DAPK1: variants seen among roughly 807,000 people sequenced by gnomAD.
DAPK1 encodes death associated protein kinase 1.
A neutral mutation model predicts 144.9 loss-of-function variants in DAPK1; 56 were observed. The ratio of observed to expected loss-of-function variants is 0.39; its 90% CI spans 0.31 to 0.48. DAPK1 has a LOEUF of 0.48. Ranked by LOEUF, DAPK1 falls within the 20% of genes least tolerant of loss-of-function variation. The probability of loss-of-function intolerance (pLI) is 0.95; values close to 1 mark genes in which losing one functional copy is unlikely to be tolerated. For missense variants in DAPK1, 1,454 were observed against 1,875.4 expected, an observed-to-expected ratio of 0.78 and a Z score of 4.15; for synonymous variants, 690 against 749.0, an observed-to-expected ratio of 0.92 and a Z score of 1.29.
At chr9:87,531,546 C>T (rs1227782798) in intron 2 of DAPK1, among the ~76,000 whole-genome samples, 1 of 152,088 alleles carries the variant, frequency 6.6e-6, no homozygotes, top group Non-Finnish European at 1.5e-5. Context: ...CAGACTGGTG[C>T]AAACCTGTGC....
At chr9:87,498,846 C>G in intron 1 of DAPK1, 124 bp from the exon 2 acceptor site, 2 of 524,448 alleles carry the variant, frequency 3.8e-6, no homozygotes, top group Non-Finnish European at 6.9e-6. Flanking sequence ...CCTCTCCACC[C>G]CGCGAGGAGG....
intron 2 of DAPK1, among the ~76,000 whole-genome samples, chr9:87,564,593 GGAGA>G (rs756729420): frequency 6.1e-5 from 9 of 147,886 alleles, no homozygotes; most frequent in Non-Finnish European, 1.1e-4. Flanking sequence ...GGAGGGAGGG[GGAGA>G]GAGAGAGAGA....
At chr9:87,559,998 C>CT (rs1409460117) in intron 2 of DAPK1, among the ~76,000 whole-genome samples, 2 of 127,420 alleles carry the variant, frequency 1.6e-5, no homozygotes, top group African/African-American at 6.8e-5. Flanking sequence ...TTTTTCTTTC[C>CT]TTTTTTCTTT....
At chr9:87,574,710 G>T (rs1827478618) in intron 2 of DAPK1, among the ~76,000 whole-genome samples, 1 of 152,198 alleles carries the variant, frequency 6.6e-6, no homozygotes, top group African/African-American at 2.4e-5. Flanking sequence ...CCTGAAGTCA[G>T]GAGTTTGAGA....
At chr9:87,628,943 A>G (rs1382199545) in intron 3 of DAPK1, among the ~76,000 whole-genome samples, 1 of 152,038 alleles carries the variant, frequency 6.6e-6, no homozygotes, top group Non-Finnish European at 1.5e-5. Flanking sequence ...GCTTCTCTTT[A>G]TTTCCTGAAT....
chr9:87,585,686 A>T (rs1587741545), intron 2 of DAPK1, among the ~76,000 whole-genome samples: 1 of 152,206 alleles, frequency 6.6e-6, no homozygotes, highest in African/African-American at 2.4e-5. Context: ...TCTATAAATA[A>T]TTAAGCTATG....
At chr9:87,579,133 C>A (rs1827660603) in intron 2 of DAPK1, among the ~76,000 whole-genome samples, 2 of 152,120 alleles carry the variant, frequency 1.3e-5, no homozygotes, top group Admixed American at 6.5e-5. Context: ...TGAGACAGCA[C>A]CCCCTCCCCA....
intron 2 of DAPK1, among the ~76,000 whole-genome samples, chr9:87,558,521 C>CAT (rs10623606): frequency 0.88 from 134,417 of 152,052 alleles, 59,651 homozygotes; most frequent in African/African-American, 0.96. Flanking sequence ...CACACACACA[C>CAT]AGCCGTGTGA....
intron 3 of DAPK1, among the ~76,000 whole-genome samples, chr9:87,625,614 T>C (rs919362581): frequency 2.6e-5 from 4 of 152,164 alleles, no homozygotes; most frequent in African/African-American, 9.7e-5. Context: ...GCTGGAGACT[T>C]CTGTGAGATG....
At chr9:87,652,196 CATCCCCCCGATCCCGGGTCCTGAT>C (rs1830468226) in intron 17 of DAPK1, among the ~76,000 whole-genome samples, 2 of 135,016 alleles carry the variant, frequency 1.5e-5, no homozygotes, top group Admixed American at 1.4e-4. Context: ...ATTCTGTGTC[CATCCCCCCGATCCCGGGTCCTGAT>C]TCTGTGTCCT....
chr9:87,680,286 G>A lies in DAPK1; in HGVS notation c.2002-1118G>A, dbSNP rs143775275. Among the ~76,000 whole-genome samples the A allele has an allele frequency of 0.011, 1,604 of 151,740 alleles. 80 individuals carry two copies. The East Asian group carries it at 0.14, about 13-fold the overall frequency. ...CGCCCGGCTAATTTTTTGTATTTTCGGTAGAGACGGGGTTTCACCATGTTA... is the reference window on the plus strand; with the variant it reads ...CGCCCGGCTAATTTTTTGTATTTTCAGTAGAGACGGGGTTTCACCATGTTA... On this transcript the variant is annotated intron_variant, in intron 19 of 25. Coordinates refer to ENST00000408954, the MANE Select transcript of DAPK1 (RefSeq NM_004938.4).
At chr9:87,611,279 G>A (rs1220507501) in intron 3 of DAPK1, among the ~76,000 whole-genome samples, 1 of 152,170 alleles carries the variant, frequency 6.6e-6, no homozygotes, top group Non-Finnish European at 1.5e-5. Context: ...TTTGTATTCA[G>A]TGGGTTTGGG....
intron 10 of DAPK1, among the ~76,000 whole-genome samples, chr9:87,642,397 G>A (rs1830127738): frequency 6.6e-6 from 1 of 152,106 alleles, no homozygotes; most frequent in Non-Finnish European, 1.5e-5. Flanking sequence ...GTGGTAAGCA[G>A]CATGAGATTA....
intron 2 of DAPK1, among the ~76,000 whole-genome samples, chr9:87,601,702 C>T (rs117951729): frequency 2.6e-5 from 4 of 152,290 alleles, no homozygotes; most frequent in Non-Finnish European, 5.9e-5. Flanking sequence ...CTAAACACTT[C>T]ATGCGCTCAT....
intron 3 of DAPK1, among the ~76,000 whole-genome samples, chr9:87,617,550 C>T (rs1438931161): frequency 2.6e-5 from 4 of 152,192 alleles, no homozygotes; most frequent in Non-Finnish European, 5.9e-5. Flanking sequence ...TCTCATTCCC[C>T]CTTCAGATCA....
At chr9:87,663,254 C>A (rs553747677) in intron 18 of DAPK1, among the ~76,000 whole-genome samples, 2 of 152,286 alleles carry the variant, frequency 1.3e-5, no homozygotes, top group African/African-American at 4.8e-5. Flanking sequence ...TCTAAACTGT[C>A]TTACTATAAA....
chr9:87,675,892 CACA>C lies in DAPK1; in HGVS notation c.2002-5511_2002-5509del, dbSNP rs879669597. 2.4e-3 allele frequency among the ~76,000 whole-genome samples: 362 copies of C among 149,278 alleles called. 2 individuals carry two copies. Among genetic ancestry groups the C allele is most frequent in the Middle Eastern group, 6.8e-3 (2 of 294 alleles). On this transcript the variant is annotated intron_variant, in intron 19 of 25. Coordinates refer to ENST00000408954, the MANE Select transcript of DAPK1 (RefSeq NM_004938.4). ...ACACACACACACACACACACACACA[CACA>C]CCCTTATGACCACCTGGAAGGTTCT...
At chr9:87,498,323 A>T (rs534018830) in intron 1 of DAPK1, among the ~76,000 whole-genome samples, 41 of 152,130 alleles carry the variant, frequency 2.7e-4, no homozygotes, top group Admixed American at 1.2e-3. Context: ...CGGCCCGACC[A>T]GGCGCTTTGT....
intron 8 of DAPK1, 102 bp from the exon 9 acceptor site, chr9:87,640,700 T>G: frequency 7.6e-7 from 1 of 1,307,996 alleles, no homozygotes; most frequent in Non-Finnish European, 1.1e-6. Flanking sequence ...CTGAACTGCA[T>G]TTTCCACAGT....
Sources: allele counts gnomAD v4.1 joint callset (sites outside exome capture counted in the v4.1 genomes callset), GRCh38; gene constraint gnomAD v4.1.1; transcripts MANE v1.5; gene names NCBI Gene and HGNC (gene_info 2026-07-23, HGNC 2026-07-21).